ST7: variants seen among roughly 807,000 people sequenced by gnomAD.
ST7 encodes the protein suppressor of tumorigenicity 7 protein.
A neutral mutation model predicts 78.7 loss-of-function variants in ST7; 28 were observed. The ratio of observed to expected loss-of-function variants is 0.36; its 90% CI spans 0.26 to 0.49. The LOEUF is 0.49. Ranked by LOEUF, ST7 falls within the 20% of genes least tolerant of loss-of-function variation. The probability of loss-of-function intolerance (pLI) is 0.99; values close to 1 mark genes in which losing one functional copy is unlikely to be tolerated. For synonymous variants in ST7, 247 were observed against 249.6 expected, an observed-to-expected ratio of 0.99 and a Z score of 0.10; for missense variants, 418 against 696.0, an observed-to-expected ratio of 0.60 and a Z score of 4.49.
intron 1 of ST7, among the ~76,000 whole-genome samples, chr7:117,092,023 T>C (rs967157055): frequency 6.6e-5 from 10 of 152,178 alleles, no homozygotes; most frequent in African/African-American, 1.9e-4. Flanking sequence ...ATTAAGCCAG[T>C]AAGGAGGATC....
chr7:117,100,758 G>C lies in ST7; in HGVS notation c.234+914G>C, dbSNP rs144409071. Among the ~76,000 whole-genome samples, 385 of 152,222 alleles carry C rather than the reference G, an allele frequency of 2.5e-3. 1 individual carries two copies. Among genetic ancestry groups the C allele is most frequent in the African/African-American group, 8.5e-3 (352 of 41,526 alleles). ...GTGCTAAATGGTAACACTTGAAGTA[G>C]TTAATTTTAGTGGCCTCAAATGGGG... On this transcript the variant is annotated intron_variant, in intron 2 of 15. Coordinates refer to ENST00000323984, the MANE Select transcript of ST7 (RefSeq NM_001369598.1).
At chr7:117,156,865 A>C (rs1806733536) in intron 9 of ST7, among the ~76,000 whole-genome samples, 1 of 152,206 alleles carries the variant, frequency 6.6e-6, no homozygotes, top group African/African-American at 2.4e-5. Context: ...GGTGTGAGAT[A>C]ACCGGAGAGC....
intron 1 of ST7, among the ~76,000 whole-genome samples, chr7:117,054,519 CTCT>C (rs1442925953): frequency 4.6e-5 from 7 of 152,186 alleles, no homozygotes; most frequent in Admixed American, 1.3e-4. Context: ...TTGAGTTTTC[CTCT>C]TCTTCTTCAA....
chr7:117,172,987 AGC>A (rs760422169), intron 10 of ST7, among the ~76,000 whole-genome samples: 4 of 152,232 alleles, frequency 2.6e-5, no homozygotes, highest in Non-Finnish European at 2.9e-5. Context: ...TCCATTGCAC[AGC>A]CTCTGTTCCA....
chr7:117,013,431 C>T (rs552131286), intron 1 of ST7, among the ~76,000 whole-genome samples: 13 of 152,304 alleles, frequency 8.5e-5, no homozygotes, highest in Non-Finnish European at 1.6e-4. Context: ...GAATTAACAG[C>T]TTTTGACTGT....
intron 13 of ST7, among the ~76,000 whole-genome samples, chr7:117,211,364 C>T (rs982403307): frequency 1.3e-5 from 2 of 152,178 alleles, no homozygotes; most frequent in Non-Finnish European, 2.9e-5. Context: ...TGAGCATGGT[C>T]ATGATTCCTT....
chr7:116,972,417 G>C, intron 1 of ST7: 1 of 704,378 alleles, frequency 1.4e-6, no homozygotes, highest in Non-Finnish European at 2.5e-6. Flanking sequence ...TCAGATTCTG[G>C]TCCATCAGTC....
At chr7:117,196,395 C>T (rs1810307825) in intron 12 of ST7, among the ~76,000 whole-genome samples, 1 of 151,650 alleles carries the variant, frequency 6.6e-6, no homozygotes, top group Non-Finnish European at 1.5e-5. Flanking sequence ...ACCAACAGTG[C>T]ACAAGGGTTC....
At chr7:117,116,662 G>T (rs1275337613) in intron 2 of ST7, among the ~76,000 whole-genome samples, 1 of 152,114 alleles carries the variant, frequency 6.6e-6, no homozygotes, top group Non-Finnish European at 1.5e-5. Context: ...CACAGCAGAG[G>T]TCCATCTTTA....
chr7:117,211,529 T>C (rs902868309), intron 13 of ST7, among the ~76,000 whole-genome samples: 4 of 152,186 alleles, frequency 2.6e-5, no homozygotes, highest in Non-Finnish European at 5.9e-5. Context: ...AATGGACAAG[T>C]TGGCTTACCA....
rs1792824779 is a variant in ST7, at chr7:116,961,555, C to CGTGTGTGTGTGTGTGA, written c.151+7879_151+7880insAGTGTGTGTGTGTGTG. ...ACCTCCATGGTTAGCTGTATTCCTA[C>CGTGTGTGTGTGTGTGA]GTGTGTGTGTGTGTGTGTGTGTGTG... On this transcript the variant is annotated intron_variant, in intron 1 of 15. Coordinates refer to ENST00000323984, the MANE Select transcript of ST7 (RefSeq NM_001369598.1). Among the ~76,000 whole-genome samples, 2 of 138,432 alleles carry CGTGTGTGTGTGTGTGA rather than the reference C, an allele frequency of 1.4e-5. 1 individual carries two copies. Among genetic ancestry groups the CGTGTGTGTGTGTGTGA allele is most frequent in the African/African-American group, 5.4e-5 (2 of 36,934 alleles). The allele number at this position is 138,432 out of a possible 152,430, so 90.8% of individuals were successfully genotyped here.
chr7:117,054,432 A>G (rs1797957398), intron 1 of ST7, among the ~76,000 whole-genome samples: 3 of 152,226 alleles, frequency 2.0e-5, no homozygotes, highest in South Asian at 2.1e-4. Context: ...CTGTGACACA[A>G]TGCGTCGCAC....
At chr7:117,069,303 CA>C (rs772495429) in intron 1 of ST7, among the ~76,000 whole-genome samples, 130 of 152,228 alleles carry the variant, frequency 8.5e-4, no homozygotes, top group Middle Eastern at 3.4e-3. Flanking sequence ...TTTCAGAACA[CA>C]GGGGGAAATC....
In ST7 at chr7:117,020,532, C is replaced by G. The variant is rs956172870; in HGVS notation, c.151+66841C>G. The G allele has an allele frequency of 2.6e-6, 4 of 1,530,810 alleles. No homozygotes were observed. The East Asian group carries it at 7.3e-5, about 28-fold the overall frequency. 94.8% of individuals were successfully genotyped at this position (1,530,810 alleles called of 1,614,324 possible). ...TCATCTCTTCACTCTCACATGTACACTCTCCTCGCTTTTCTTTCTTTTTTT... is the reference window on the plus strand; with the variant it reads ...TCATCTCTTCACTCTCACATGTACAGTCTCCTCGCTTTTCTTTCTTTTTTT... On this transcript the variant is annotated intron_variant, in intron 1 of 15. Coordinates refer to ENST00000323984, the MANE Select transcript of ST7 (RefSeq NM_001369598.1).
intron 8 of ST7, chr7:117,137,391 A>T (rs911117136): frequency 1.3e-5 from 2 of 152,156 alleles, no homozygotes. Context: ...AATGCAGTGC[A>T]TTTTGAAGAC....
At chr7:117,208,014 A>G (rs940713273) in intron 12 of ST7, among the ~76,000 whole-genome samples, 87 of 152,186 alleles carry the variant, frequency 5.7e-4, no homozygotes, top group African/African-American at 2.0e-3. Flanking sequence ...AATGGTTCCT[A>G]TTAAGGTAAC....
intron 1 of ST7, among the ~76,000 whole-genome samples, chr7:116,985,936 G>T (rs896305048): frequency 6.6e-6 from 1 of 152,194 alleles, no homozygotes; most frequent in Non-Finnish European, 1.5e-5. Flanking sequence ...AGGTTCAAGC[G>T]ACTCTTATGT....
rs555107988 is a variant in ST7 at position 117,039,699 on chromosome 7, A to T, written c.152-60063A>T. 2.7e-3 allele frequency among the ~76,000 whole-genome samples: 406 copies of T among 152,188 alleles called. 3 individuals carry two copies. The highest frequency in any genetic ancestry group is 3.7e-3 in the Non-Finnish European group (254 of 67,994). On this transcript the variant is annotated intron_variant, in intron 1 of 15. Transcript: ENST00000323984. The stretch of plus-strand genomic sequence containing the variant: ...AAATACATCTTTTTATTTTATTTTT[A>T]AAAATTTATGTTTTTTATGTTAAGG...
intron 12 of ST7, among the ~76,000 whole-genome samples, chr7:117,193,763 C>T (rs539541531): frequency 2.0e-5 from 3 of 152,330 alleles, no homozygotes; most frequent in South Asian, 2.1e-4. Flanking sequence ...TTGTCAGTGG[C>T]CCACCACAGG....
Sources: gnomAD v4.1 joint callset for allele counts (sites outside exome capture counted in the v4.1 genomes callset) on GRCh38, gnomAD v4.1.1 for gene constraint, MANE v1.5 for transcripts, NCBI Gene and HGNC (gene_info 2026-07-23, HGNC 2026-07-21) for gene names.